SEMA3A: variants seen among roughly 807,000 people sequenced by gnomAD.
SEMA3A encodes semaphorin 3A, also known as semaphorin-3A.
A neutral mutation model predicts 97.9 loss-of-function variants in SEMA3A; 29 were observed. That is an observed-to-expected ratio of 0.30 (90% confidence interval 0.22 to 0.40). The LOEUF is 0.40. Among genes scored for constraint, SEMA3A ranks in the 10% least tolerant of loss-of-function variants. The probability of loss-of-function intolerance (pLI) is 1.00; values close to 1 mark genes in which losing one functional copy is unlikely to be tolerated. For missense variants in SEMA3A, 763 were observed against 951.3 expected, an observed-to-expected ratio of 0.80 and a Z score of 2.60; for synonymous variants, 321 against 323.7, an observed-to-expected ratio of 0.99 and a Z score of 0.09.
intron 16 of SEMA3A, 140 bp from the exon 17 acceptor site, chr7:83,961,966 G>C (rs1277818174): frequency 1.4e-5 from 8 of 571,736 alleles, no homozygotes; most frequent in Non-Finnish European, 3.0e-6. Context: ...TTTAAGAGAA[G>C]TGATAGCATT....
rs748598600 is a variant in SEMA3A, at chr7:83,981,456, G to A, written c.1517C>T (p.Thr506Met). 10 of 1,611,668 alleles carry A rather than the reference G, an allele frequency of 6.2e-6. No homozygotes were observed. In the South Asian group the frequency reaches 6.6e-5, roughly 11 times the overall value. The change falls in exon 14 of 17, where the codon ACG (threonine) becomes ATG (methionine). Residue 506 changes from threonine to methionine, a missense_variant. By Grantham distance (81) the Thr-to-Met change is moderately conservative. Around this residue, in one of 2 missense-constraint regions of SEMA3A, gnomAD observed 678 missense variants for 881.3 expected, o/e 0.77. Coordinates refer to ENST00000265362, the MANE Select transcript of SEMA3A (RefSeq NM_006080.3). The part of the protein sequence containing the change: ...TKQQQLYIGS[T>M]AGVAQLPLHR... ...TAAAGGGAGCTGGGCAACCCCAGCCGTTGAACCAATATATAGTTGTTGCTG... is the reference window on the plus strand; with the variant it reads ...TAAAGGGAGCTGGGCAACCCCAGCCATTGAACCAATATATAGTTGTTGCTG...
chr7:84,350,233 A>G (rs558438778), intron 2 of SEMA3A, among the ~76,000 whole-genome samples: 1 of 152,166 alleles, frequency 6.6e-6, no homozygotes, highest in East Asian at 1.9e-4. Flanking sequence ...ATCTTTGTTC[A>G]TTCTACATCT....
chr7:84,252,538 T>C (rs1216466310), intron 3 of SEMA3A, among the ~76,000 whole-genome samples: 1 of 152,208 alleles, frequency 6.6e-6, no homozygotes, highest in Non-Finnish European at 1.5e-5. Context: ...TAAAAATTAC[T>C]GCTTACCTAA....
intron 11 of SEMA3A, among the ~76,000 whole-genome samples, chr7:84,003,103 A>C (rs3801598): frequency 6.6e-6 from 1 of 151,938 alleles, no homozygotes; most frequent in African/African-American, 2.4e-5. Context: ...CAAAGAATAA[A>C]TTATATGAGA....
chr7:84,371,504 A>T (rs1802976660), intron 2 of SEMA3A, among the ~76,000 whole-genome samples: 1 of 151,914 alleles, frequency 6.6e-6, no homozygotes, highest in African/African-American at 2.4e-5. Context: ...AGACTATAGC[A>T]TCAACTCATA....
intron 2 of SEMA3A, among the ~76,000 whole-genome samples, chr7:84,358,124 GA>G (rs1802616114): frequency 6.6e-6 from 1 of 152,164 alleles, no homozygotes; most frequent in Admixed American, 6.6e-5. Context: ...TTGCTATGCA[GA>G]AGCTCTTTAG....
intron 3 of SEMA3A, among the ~76,000 whole-genome samples, chr7:84,231,907 A>G (rs1799124421): frequency 6.6e-6 from 1 of 151,924 alleles, no homozygotes; most frequent in Non-Finnish European, 1.5e-5. Context: ...GAGAGGATAC[A>G]TGGAATGCTT....
intron 3 of SEMA3A, among the ~76,000 whole-genome samples, chr7:84,246,968 A>G (rs1799488856): frequency 6.6e-6 from 1 of 152,170 alleles, no homozygotes. Context: ...CAAAGGGATG[A>G]CATGATTATA....
At chr7:84,095,852 T>A (rs563109034) in intron 4 of SEMA3A, among the ~76,000 whole-genome samples, 2 of 152,106 alleles carry the variant, frequency 1.3e-5, no homozygotes, top group Non-Finnish European at 2.9e-5. Flanking sequence ...AGAATAAAAG[T>A]TCCTAAAGTA....
chr7:84,234,881 G>A (rs1421247288), intron 3 of SEMA3A, among the ~76,000 whole-genome samples: 1 of 151,926 alleles, frequency 6.6e-6, no homozygotes, highest in Non-Finnish European at 1.5e-5. Flanking sequence ...TGAGTACTGA[G>A]CATTGTTGGA....
intron 4 of SEMA3A, among the ~76,000 whole-genome samples, chr7:84,061,024 T>C (rs1187943881): frequency 6.6e-6 from 1 of 152,192 alleles, no homozygotes; most frequent in Admixed American, 6.5e-5. Context: ...CCAGAAGACA[T>C]GTTAAATAGC....
chr7:84,107,094 C>G (rs1490526020), intron 4 of SEMA3A, among the ~76,000 whole-genome samples: 2 of 152,152 alleles, frequency 1.3e-5, no homozygotes, highest in Admixed American at 1.3e-4. Flanking sequence ...TATTCAAACT[C>G]TATGACAGTT....
At chr7:84,194,392 T>G in intron 1 of SEMA3A, 83 bp downstream of exon 1, 3 of 835,974 alleles carry the variant, frequency 3.6e-6, no homozygotes, top group Non-Finnish European at 6.0e-6. Flanking sequence ...GTTTGATGAT[T>G]TGGGGTTGGG....
intron 11 of SEMA3A, among the ~76,000 whole-genome samples, 197 bp from the exon 12 acceptor site, chr7:84,002,243 T>G (rs1790487180): frequency 6.6e-6 from 1 of 152,190 alleles, no homozygotes; most frequent in South Asian, 2.1e-4. Context: ...AAAGGTAAAC[T>G]ATAAACACAA....
At chr7:84,206,236 A>C (rs1249400488) in intron 3 of SEMA3A, among the ~76,000 whole-genome samples, 1 of 152,178 alleles carries the variant, frequency 6.6e-6, no homozygotes, top group Non-Finnish European at 1.5e-5. Flanking sequence ...TATACTTTAA[A>C]AGCATTAAGA....
At position 84,303,292 on chromosome 7, in the gene SEMA3A, T is replaced by C. The variant is rs1253284262; in HGVS notation, c.-83+3915A>G. ...TTGACCGGGTCACTAAGGTTGCTTG[T>C]TACTAAAACTGAGTGTGAACTCAAT... On this transcript the variant is annotated intron_variant, in intron 3 of 3. Coordinates refer to the SEMA3A transcript ENST00000424555. 2.0e-5 allele frequency among the ~76,000 whole-genome samples: 3 copies of C among 152,142 alleles called. 1 individual carries two copies. The highest frequency in any genetic ancestry group is 7.2e-5 in the African/African-American group (3 of 41,422).
chr7:84,091,218 A>AAAGAAAG (rs1396584593), intron 4 of SEMA3A, among the ~76,000 whole-genome samples: 1 of 79,442 alleles, frequency 1.3e-5, no homozygotes, highest in African/African-American at 4.3e-5. Flanking sequence ...GAAAGAAAAG[A>AAAGAAAG]AAAGAAAGAA....
chr7:84,419,952 A>T (rs926185382), intron 1 of SEMA3A, among the ~76,000 whole-genome samples: 6 of 152,184 alleles, frequency 3.9e-5, no homozygotes, highest in African/African-American at 1.4e-4. Context: ...TTCTGCCATG[A>T]TACTAGCTGA....
intron 2 of SEMA3A, among the ~76,000 whole-genome samples, chr7:84,371,553 A>G (rs1195480468): frequency 6.6e-6 from 1 of 151,928 alleles, no homozygotes; most frequent in African/African-American, 2.4e-5. Context: ...ATCATGGAAC[A>G]TAATTATATC....
Sources: gnomAD v4.1 joint callset for allele counts (sites outside exome capture counted in the v4.1 genomes callset) on GRCh38, gnomAD v4.1.1 for gene constraint, gnomAD v4.1.1 regional missense constraint, MANE v1.5 for transcripts, NCBI Gene and HGNC (gene_info 2026-07-23, HGNC 2026-07-21) for gene names.